Variants in SCP2 observed in about 807,000 individuals in gnomAD.
The protein encoded by SCP2 is sterol carrier protein 2.
Under a neutral mutation model 71.4 loss-of-function variants are expected in SCP2, and 48 were observed. The ratio of observed to expected loss-of-function variants is 0.67; its 90% CI spans 0.53 to 0.86. SCP2 has a LOEUF of 0.86. Ranked by LOEUF, SCP2 falls within the 40% of genes least tolerant of loss-of-function variation. The pLI is 0.00. For missense variants in SCP2, 560 were observed against 655.6 expected, an observed-to-expected ratio of 0.85 and a Z score of 1.59; for synonymous variants, 220 against 218.1, an observed-to-expected ratio of 1.01 and a Z score of -0.08.
intron 5 of SCP2, among the ~76,000 whole-genome samples, chr1:52,960,712 A>C (rs1656342021): frequency 7.3e-6 from 1 of 136,366 alleles, no homozygotes; most frequent in Admixed American, 7.2e-5. Context: ...TGTATATATT[A>C]TGTGCGTGTG....
chr1:52,974,820 C>A lies in SCP2; in HGVS notation c.575C>A (p.Ser192Ter). ...AKIGWKNHKH[S>*]VNNPYSQFQD... ...ATTGGATGGAAAAATCATAAACATT[C>A]AGTTAATAACCCGTAAGTATTTCAG... Residue 192 changes from serine (S) to a stop codon, truncating the protein, a stop_gained, in exon 7 of 16, where the codon TCA becomes TAA. Coordinates refer to ENST00000371514, the MANE Select transcript of SCP2 (RefSeq NM_002979.5). LOFTEE classifies it high-confidence loss of function. The A allele has an allele frequency of 1.3e-6, 2 of 1,485,438 alleles. No individual in the cohort carries two copies. Among genetic ancestry groups the A allele is most frequent in the Non-Finnish European group, 1.9e-6 (2 of 1,062,900 alleles). 92.0% of individuals were successfully genotyped at this position (1,485,438 alleles called of 1,614,324 possible). A position where few individuals can be genotyped will look rare whatever the true frequency, so the allele number is the denominator to read the frequency against.
At chr1:53,013,751 G>A (rs1661136497) in intron 11 of SCP2, among the ~76,000 whole-genome samples, 1 of 152,066 alleles carries the variant, frequency 6.6e-6, no homozygotes, top group Non-Finnish European at 1.5e-5. Flanking sequence ...TAAATTTCTT[G>A]GGGAAGTTGG....
intron 11 of SCP2, chr1:52,996,166 C>T (rs1659928099): frequency 2.5e-6 from 1 of 397,928 alleles, no homozygotes; most frequent in Admixed American, 4.4e-5. Flanking sequence ...GTAGTAGGCA[C>T]TCAATAAGTA....
chr1:52,994,046 A>G (rs979822057), intron 11 of SCP2: 10 of 1,162,360 alleles, frequency 8.6e-6, no homozygotes, highest in Non-Finnish European at 1.1e-5. Context: ...CCGTATCTGT[A>G]TGTAAATGTT....
chr1:53,014,003 C>T (rs890381221), intron 11 of SCP2, among the ~76,000 whole-genome samples: 4 of 142,842 alleles, frequency 2.8e-5, no homozygotes, highest in Non-Finnish European at 6.0e-5. Context: ...TCACGCCATT[C>T]TCCTGCCTCA....
intron 10 of SCP2, among the ~76,000 whole-genome samples, chr1:52,982,000 T>C (rs1265549517): frequency 3.3e-5 from 5 of 152,128 alleles, no homozygotes; most frequent in Admixed American, 3.3e-4. Flanking sequence ...TTTAAATATT[T>C]TTAGTATGCC....
At chr1:53,007,801 G>A (rs1377862424) in intron 11 of SCP2, among the ~76,000 whole-genome samples, 2 of 152,036 alleles carry the variant, frequency 1.3e-5, no homozygotes, top group Non-Finnish European at 2.9e-5. Flanking sequence ...AGGGGATAGA[G>A]ACACAAAAAA....
At chr1:52,939,330 G>T (rs1386937079) in intron 1 of SCP2, among the ~76,000 whole-genome samples, 1 of 152,152 alleles carries the variant, frequency 6.6e-6, no homozygotes. Context: ...AGGATTGCTT[G>T]AGCCCCGGAG....
intron 12 of SCP2, among the ~76,000 whole-genome samples, chr1:53,021,317 CT>C (rs35858975): frequency 4.2e-3 from 540 of 127,318 alleles, no homozygotes; most frequent in Non-Finnish European, 5.6e-3. Flanking sequence ...CCGTCAACCA[CT>C]TTTTTTTTTT....
At chr1:52,978,516 A>G (rs1479718465) in intron 9 of SCP2, 149 bp downstream of exon 9, 5 of 689,512 alleles carry the variant, frequency 7.3e-6, no homozygotes, top group Admixed American at 2.5e-5. Context: ...TAGAACTCCA[A>G]TCTTACAGAG....
In SCP2 at chr1:52,965,611, G is replaced by A. The variant is rs537436195; in HGVS notation, c.523+3982G>A. ...TGGTGTTATATCCTCCAAGGTGGTC[G>A]TTGCTTGTGTATACAAAGGCTACTG... On this transcript the variant is annotated intron_variant, in intron 6 of 15. Transcript: ENST00000371514. Among the ~76,000 whole-genome samples, 53 of 152,040 alleles carry A rather than the reference G, an allele frequency of 3.5e-4. No homozygotes were observed. The South Asian group carries it at 4.4e-3, about 13-fold the overall frequency.
chr1:52,943,793 A>G (rs917313162), intron 2 of SCP2: 2 of 459,064 alleles, frequency 4.4e-6, no homozygotes, highest in Admixed American at 4.8e-5. Flanking sequence ...ACCGAGTGCC[A>G]CAGTACCAGG....
chr1:53,021,987 A>T (rs763065998), intron 12 of SCP2, among the ~76,000 whole-genome samples: 17 of 152,230 alleles, frequency 1.1e-4, no homozygotes, highest in Admixed American at 3.9e-4. Flanking sequence ...AACTTTATTA[A>T]GACCTAATTC....
chr1:53,036,569 TTATATA>T (rs571557040), intron 13 of SCP2, among the ~76,000 whole-genome samples: 2 of 148,638 alleles, frequency 1.3e-5, no homozygotes, highest in African/African-American at 4.9e-5. Context: ...TATATAAATC[TTATATA>T]TATATATCTT....
chr1:53,047,859 T>C lies in SCP2; in HGVS notation c.1470T>C (p.Asp490=). Residue 490 remains aspartate, a splice_region_variant and synonymous_variant, in exon 15 of 16, where the codon GAT becomes GAC. Transcript: ENST00000371514. ...CCTTCTCCTGTGTATCTGTTTTAGA[T>C]AAGAAGGCTGACTGCACAATCACAA... ...NGKGSVLPNS[D]KKADCTITMA... is the part of the protein sequence containing the mutation. The C allele has an allele frequency of 3.7e-6, 6 of 1,608,806 alleles. No homozygotes were observed. Among genetic ancestry groups the C allele is most frequent in the Non-Finnish European group, 5.1e-6 (6 of 1,175,140 alleles).
intron 5 of SCP2, among the ~76,000 whole-genome samples, chr1:52,959,433 G>C (rs1656126698): frequency 6.6e-6 from 1 of 151,760 alleles, no homozygotes; most frequent in Non-Finnish European, 1.5e-5. Flanking sequence ...GACCTCAGGT[G>C]ATCCACCCGC....
intron 12 of SCP2, among the ~76,000 whole-genome samples, chr1:53,019,299 A>G (rs1200036651): frequency 6.6e-6 from 1 of 152,190 alleles, no homozygotes; most frequent in African/African-American, 2.4e-5. Flanking sequence ...TTATTCTGTA[A>G]AGAAGAGCTT....
intron 11 of SCP2, among the ~76,000 whole-genome samples, chr1:52,997,764 A>G (rs1173948359): frequency 2.6e-5 from 4 of 152,250 alleles, no homozygotes; most frequent in African/African-American, 9.6e-5. Flanking sequence ...ATATACTTTA[A>G]ATCGATAATT....
At chr1:52,964,434 T>C (rs1656764402) in intron 6 of SCP2, among the ~76,000 whole-genome samples, 1 of 151,908 alleles carries the variant, frequency 6.6e-6, no homozygotes, top group South Asian at 2.1e-4. Context: ...TCTCCTGACC[T>C]CGTGATCCGC....
Sources: gnomAD v4.1 joint callset for allele counts (sites outside exome capture counted in the v4.1 genomes callset) on GRCh38, gnomAD v4.1.1 for gene constraint, MANE v1.5 for transcripts, NCBI Gene and HGNC (gene_info 2026-07-23, HGNC 2026-07-21) for gene names.